ATP8B4: variants seen among roughly 807,000 people sequenced by gnomAD.
ATP8B4 encodes the protein probable phospholipid-transporting ATPase IM.
A neutral mutation model predicts 145.6 loss-of-function variants in ATP8B4; 133 were observed. The ratio of observed to expected loss-of-function variants is 0.91; its 90% CI spans 0.79 to 1.05. The LOEUF (loss-of-function observed/expected upper bound fraction) is 1.05, where lower values mean the gene tolerates loss of function less well. Ranked by LOEUF, ATP8B4 falls within the 50% of genes least tolerant of loss-of-function variation. The probability of loss-of-function intolerance (pLI) is 0.00; values close to 1 mark genes in which losing one functional copy is unlikely to be tolerated. For missense variants in ATP8B4, 1,458 were observed against 1,425.2 expected (o/e 1.02, Z -0.37); for synonymous variants, 507 against 492.9 (o/e 1.03, Z -0.38).
intron 14 of ATP8B4, 126 bp downstream of exon 14, chr15:49,961,851 T>C: frequency 1.3e-6 from 1 of 743,462 alleles, no homozygotes; most frequent in Non-Finnish European, 2.1e-6. Context: ...ATCTATTTTT[T>C]AATGCTATGC....
intron 3 of ATP8B4, among the ~76,000 whole-genome samples, chr15:50,066,799 G>A (rs893986543): frequency 6.6e-6 from 1 of 151,818 alleles, no homozygotes; most frequent in African/African-American, 2.4e-5. Flanking sequence ...TACAGTTTGT[G>A]GGGTTTTTTT....
chr15:50,154,488 T>C (rs1595653260), intron 1 of ATP8B4, among the ~76,000 whole-genome samples: 1 of 152,168 alleles, frequency 6.6e-6, no homozygotes, highest in African/African-American at 2.4e-5. Flanking sequence ...ATTCTATATA[T>C]ACTAATCAGC....
intron 1 of ATP8B4, among the ~76,000 whole-genome samples, chr15:50,142,058 C>T (rs1033081444): frequency 9.3e-5 from 14 of 151,328 alleles, no homozygotes; most frequent in African/African-American, 2.7e-4. Context: ...AGGAAGTGGA[C>T]AGAATGTACA....
At chr15:49,879,239 T>C (rs2035001283) in intron 24 of ATP8B4, 137 bp downstream of exon 24, 1 of 716,100 alleles carries the variant, frequency 1.4e-6, no homozygotes, top group Admixed American at 2.9e-5. Context: ...TGGAAGCATG[T>C]GTGATCCATG....
At position 49,859,934 on chromosome 15, in the gene ATP8B4, TAAAAAA is replaced by T. The variant is rs56272247; in HGVS notation, c.*254_*259del. ...AGGTCAATTGGTATCTAGGTTGATTTAAAAAAAAAAAAAATCTGTACTTGTAACAGC... is the reference window on the plus strand; with the variant it reads ...AGGTCAATTGGTATCTAGGTTGATTTAAAAAAAATCTGTACTTGTAACAGC... On this transcript the variant is annotated 3_prime_UTR_variant, in exon 28 of 28. Coordinates refer to ENST00000284509, the MANE Select transcript of ATP8B4 (RefSeq NM_024837.4). The T allele has an allele frequency of 2.8e-6, 1 of 358,670 alleles. No individual in the cohort carries two copies. Among genetic ancestry groups the T allele is most frequent in the East Asian group, 4.6e-5 (1 of 21,606 alleles). The allele number at this position is 358,670 out of a possible 1,614,324, so 22.2% of individuals were successfully genotyped here. A position where few individuals can be genotyped will look rare whatever the true frequency, so the allele number is the denominator to read the frequency against.
At chr15:50,143,735 TGGAA>T (rs2044241855) in intron 1 of ATP8B4, among the ~76,000 whole-genome samples, 1 of 152,094 alleles carries the variant, frequency 6.6e-6, no homozygotes, top group South Asian at 2.1e-4. Flanking sequence ...GCATTTCAAA[TGGAA>T]ACAGGGAGGG....
At chr15:49,967,377 A>C (rs1333744032) in intron 13 of ATP8B4, among the ~76,000 whole-genome samples, 1 of 152,216 alleles carries the variant, frequency 6.6e-6, no homozygotes, top group East Asian at 1.9e-4. Context: ...ACTTTGTAAA[A>C]AGGTTAGACA....
At chr15:50,137,551 G>T (rs2044139580) in intron 1 of ATP8B4, among the ~76,000 whole-genome samples, 1 of 152,230 alleles carries the variant, frequency 6.6e-6, no homozygotes, top group Non-Finnish European at 1.5e-5. Context: ...AAGTGTCTCA[G>T]AGTGAATGTG....
chr15:49,923,224 C>T (rs2040412806), intron 17 of ATP8B4, among the ~76,000 whole-genome samples, 155 bp downstream of exon 17: 1 of 152,190 alleles, frequency 6.6e-6, no homozygotes, highest in African/African-American at 2.4e-5. Flanking sequence ...TGCCAATTCC[C>T]AGACAATCAT....
intron 1 of ATP8B4, among the ~76,000 whole-genome samples, chr15:50,170,425 G>A (rs766813305): frequency 2.0e-5 from 3 of 152,006 alleles, no homozygotes; most frequent in Non-Finnish European, 4.4e-5. Context: ...GCAAAACTAG[G>A]CATCATATAT....
intron 1 of ATP8B4, among the ~76,000 whole-genome samples, chr15:50,160,940 G>T (rs1412226679): frequency 6.6e-6 from 1 of 152,050 alleles, no homozygotes. Flanking sequence ...TTTCTGTCTG[G>T]ATTAACTGTC....
At position 49,860,548 on chromosome 15, in the gene ATP8B4, A is replaced by G. The variant is rs955425834; in HGVS notation, c.3298-73T>C. On this transcript the variant is annotated intron_variant, in intron 27 of 27. Transcript: ENST00000284509. Reference sequence around the variant, plus strand: ...CTCCAGGCAGTGGCCCACTTTGTAAAGTGAAAGCCTTTTTTTTTTATAAGT... The same window carrying G: ...CTCCAGGCAGTGGCCCACTTTGTAAGGTGAAAGCCTTTTTTTTTTATAAGT... 19 of 1,456,702 alleles carry G rather than the reference A, an allele frequency of 1.3e-5. No individual in the cohort carries two copies. The East Asian group carries it at 3.0e-4, about 23-fold the overall frequency. 90.2% of individuals were successfully genotyped at this position (1,456,702 alleles called of 1,614,324 possible). A position where few individuals can be genotyped will look rare whatever the true frequency, so the allele number is the denominator to read the frequency against.
At chr15:50,014,834 T>C (rs892890776) in intron 6 of ATP8B4, among the ~76,000 whole-genome samples, 3 of 152,198 alleles carry the variant, frequency 2.0e-5, no homozygotes, top group African/African-American at 4.8e-5. Flanking sequence ...CTGAGGTTCA[T>C]AGAAATTGAG....
At chr15:50,085,963 T>TATGA (rs1567331356) in intron 2 of ATP8B4, among the ~76,000 whole-genome samples, 1 of 53,802 alleles carries the variant, frequency 1.9e-5, no homozygotes, top group East Asian at 4.1e-4. Flanking sequence ...TCATATATAT[T>TATGA]TATATATGAT....
chr15:50,060,254 A>C (rs190934112), intron 3 of ATP8B4, among the ~76,000 whole-genome samples: 9 of 152,192 alleles, frequency 5.9e-5, no homozygotes, highest in Non-Finnish European at 1.3e-4. Context: ...CCTTAAACTT[A>C]ATACACGCAG....
At chr15:50,121,863 T>C (rs1452547583), upstream of ATP8B4, among the ~76,000 whole-genome samples, 1 of 152,106 alleles carries the variant, frequency 6.6e-6, no homozygotes, top group African/African-American at 2.4e-5. Flanking sequence ...TCAAGGATCA[T>C]CTCAACTTGT....
chr15:49,916,012 G>A (rs1331330051), intron 20 of ATP8B4, among the ~76,000 whole-genome samples: 2 of 151,010 alleles, frequency 1.3e-5, no homozygotes, highest in Non-Finnish European at 3.0e-5. Context: ...TTGAAGGAAG[G>A]TTAGCTCCCC....
At chr15:50,117,506 A>C (rs1362853030) in intron 1 of ATP8B4, among the ~76,000 whole-genome samples, 1 of 152,196 alleles carries the variant, frequency 6.6e-6, no homozygotes, top group East Asian at 1.9e-4. Context: ...CAGGGGCACA[A>C]AAAAAATCAT....
intron 3 of ATP8B4, among the ~76,000 whole-genome samples, chr15:50,048,331 C>T (rs943328839): frequency 2.6e-5 from 4 of 152,062 alleles, no homozygotes; most frequent in Non-Finnish European, 5.9e-5. Context: ...AAAGAAACAC[C>T]GCGGAATGCC....
Sources: gnomAD v4.1 joint callset for allele counts (sites outside exome capture counted in the v4.1 genomes callset) on GRCh38, gnomAD v4.1.1 for gene constraint, MANE v1.5 for transcripts, NCBI Gene and HGNC (gene_info 2026-07-23, HGNC 2026-07-21) for gene names.